Variants in PHLDB2 observed in about 807,000 individuals in gnomAD.
The protein encoded by PHLDB2 is pleckstrin homology-like domain family B member 2.
PHLDB2 carries 71 observed loss-of-function variants against 123.6 expected under a neutral mutation model. The observed-to-expected ratio is 0.57, with a 90% CI of 0.47 to 0.70. PHLDB2 has a LOEUF of 0.70. Ranked by LOEUF, PHLDB2 falls within the 30% of genes least tolerant of loss-of-function variation. The pLI, the probability that PHLDB2 is intolerant of heterozygous loss-of-function variation, is 0.00. For missense variants in PHLDB2, 1,446 were observed against 1,519.5 expected (o/e 0.95, Z 0.80); for synonymous variants, 547 against 541.6 (o/e 1.01, Z -0.14).
chr3:111,968,056 G>T (rs943525072), intron 15 of PHLDB2, among the ~76,000 whole-genome samples: 1 of 149,450 alleles, frequency 6.7e-6, no homozygotes, highest in African/African-American at 2.5e-5. Context: ...CTTTTCTTTA[G>T]TCATGCATGG....
chr3:111,847,000 G>C (rs2064023805), intron 2 of PHLDB2, among the ~76,000 whole-genome samples: 1 of 152,188 alleles, frequency 6.6e-6, no homozygotes, highest in African/African-American at 2.4e-5. Context: ...AGAGATACAT[G>C]AATGTGACTC....
intron 2 of PHLDB2, among the ~76,000 whole-genome samples, chr3:111,909,191 T>C (rs1343120719): frequency 6.6e-6 from 1 of 152,192 alleles, no homozygotes; most frequent in African/African-American, 2.4e-5. Context: ...CTCAAATTTG[T>C]TTTTCTGTAA....
intron 2 of PHLDB2, among the ~76,000 whole-genome samples, chr3:111,910,856 A>G (rs1352287454): frequency 1.3e-5 from 2 of 152,342 alleles, no homozygotes; most frequent in East Asian, 1.9e-4. Flanking sequence ...TGCAGCTTTT[A>G]TAGGGCCAGT....
At chr3:111,799,139 C>T (rs2061285329) in intron 1 of PHLDB2, among the ~76,000 whole-genome samples, 1 of 152,168 alleles carries the variant, frequency 6.6e-6, no homozygotes, top group African/African-American at 2.4e-5. Context: ...GGAAACCACC[C>T]CCGTGATTCC....
At chr3:111,861,633 C>T (rs527984466) in intron 1 of PHLDB2, among the ~76,000 whole-genome samples, 6 of 152,230 alleles carry the variant, frequency 3.9e-5, no homozygotes, top group African/African-American at 1.2e-4. Flanking sequence ...CCACGAGTGT[C>T]GCCTGGATCC....
At chr3:111,866,930 G>GGTGTGCGT (rs2065114562) in intron 1 of PHLDB2, among the ~76,000 whole-genome samples, 1 of 126,004 alleles carries the variant, frequency 7.9e-6, no homozygotes, top group Non-Finnish European at 1.7e-5. Context: ...GTTTCTAAGG[G>GGTGTGCGT]GTGTGTGTGT....
intron 12 of PHLDB2, chr3:111,960,299 C>A: frequency 4.5e-6 from 1 of 223,052 alleles, no homozygotes; most frequent in Non-Finnish European, 7.5e-6. Context: ...TCATGACATT[C>A]TATTTAGTCT....
intron 1 of PHLDB2, among the ~76,000 whole-genome samples, chr3:111,782,222 G>A (rs2060500938): frequency 6.6e-6 from 1 of 152,044 alleles, no homozygotes; most frequent in Non-Finnish European, 1.5e-5. Context: ...GGTAGCAAAT[G>A]TTCAGGTTTT....
At chr3:111,757,693 T>A (rs1429891400) in intron 1 of PHLDB2, among the ~76,000 whole-genome samples, 2 of 152,184 alleles carry the variant, frequency 1.3e-5, no homozygotes, top group Non-Finnish European at 1.5e-5. Context: ...TTTTTCCCCA[T>A]CTTTGTGGTT....
chr3:111,798,688 A>AAAATAAAATAAAATAAAATG (rs1553729576), intron 1 of PHLDB2, among the ~76,000 whole-genome samples: 1 of 151,200 alleles, frequency 6.6e-6, no homozygotes, highest in Non-Finnish European at 1.5e-5. Context: ...TAATAAAAAT[A>AAAATAAAATAAAATAAAATG]AAATAAAATA....
chr3:111,751,739 A>C (rs1172225429), intron 1 of PHLDB2, among the ~76,000 whole-genome samples: 2 of 151,746 alleles, frequency 1.3e-5, no homozygotes, highest in African/African-American at 2.4e-5. Flanking sequence ...CCTAATGCTA[A>C]ATGACGAGTT....
rs371735783 is a variant in PHLDB2 at position 111,967,838 on chromosome 3, T to C, written c.3315+14T>C. 2 of 1,600,384 alleles carry C rather than the reference T, an allele frequency of 1.2e-6. No individual in the cohort carries two copies. Among genetic ancestry groups the C allele is most frequent in the Non-Finnish European group, 1.7e-6 (2 of 1,175,794 alleles). Reference sequence around the variant, plus strand: ...CAAAGGGCACAGGTTGGTCGGTCAATCTGAATGCATATGGGCAGGTTGCCC... The same window carrying C: ...CAAAGGGCACAGGTTGGTCGGTCAACCTGAATGCATATGGGCAGGTTGCCC... On this transcript the variant is annotated intron_variant, in intron 15 of 17. Transcript: ENST00000431670.
At chr3:111,836,952 G>A (rs1256193367) in intron 1 of PHLDB2, among the ~76,000 whole-genome samples, 1 of 152,134 alleles carries the variant, frequency 6.6e-6, no homozygotes, top group Non-Finnish European at 1.5e-5. Context: ...ACATTATTCA[G>A]GTGGAATAAT....
At chr3:111,916,507 T>C (rs2068185513) in intron 3 of PHLDB2, 1 of 152,190 alleles carries the variant, frequency 6.6e-6, no homozygotes. Context: ...TAGGGATAAA[T>C]GGAGAAGAGA....
chr3:111,756,693 G>A (rs1193245943), intron 1 of PHLDB2, among the ~76,000 whole-genome samples: 1 of 152,130 alleles, frequency 6.6e-6, no homozygotes, highest in Non-Finnish European at 1.5e-5. Context: ...CTGTCATTAT[G>A]ATGTTAGCTG....
intron 1 of PHLDB2, chr3:111,859,890 C>T: frequency 1.0e-6 from 1 of 983,078 alleles, no homozygotes; most frequent in Non-Finnish European, 1.2e-6. Context: ...TGAGTGGGCT[C>T]CGGGGACACA....
At chr3:111,924,156 G>A (rs2068684153) in intron 5 of PHLDB2, among the ~76,000 whole-genome samples, 1 of 152,124 alleles carries the variant, frequency 6.6e-6, no homozygotes, top group African/African-American at 2.4e-5. Flanking sequence ...TGCCTCATTG[G>A]TTCTGTCTTT....
rs186546013 is a variant in PHLDB2 at position 111,832,516 on chromosome 3, C to T, written c.-48-13305C>T. On this transcript the variant is annotated intron_variant, in intron 1 of 17. Transcript: ENST00000393923. ...CATTAATCTTAGTGTTGTTATTTTC[C>T]GACACTTAGGCTTTTTCCCGCTGTT... Among the ~76,000 whole-genome samples, 512 of 149,896 alleles carry T rather than the reference C, an allele frequency of 3.4e-3. 9 individuals carry two copies. The highest frequency in any genetic ancestry group is 8.7e-4 in the Non-Finnish European group (59 of 67,662).
intron 1 of PHLDB2, among the ~76,000 whole-genome samples, chr3:111,860,084 A>G (rs1012875446): frequency 6.6e-6 from 1 of 152,020 alleles, no homozygotes; most frequent in African/African-American, 2.4e-5. Context: ...AGATGCTTCC[A>G]GAGTGATTGT....
Sources: gnomAD v4.1 joint callset for allele counts (sites outside exome capture counted in the v4.1 genomes callset) on GRCh38, gnomAD v4.1.1 for gene constraint, MANE v1.5 for transcripts, NCBI Gene and HGNC (gene_info 2026-07-23, HGNC 2026-07-21) for gene names.